Variants in NDNF observed in about 807,000 individuals in gnomAD.
NDNF encodes protein NDNF.
NDNF carries 16 observed loss-of-function variants against 42.0 expected under a neutral mutation model. That is an observed-to-expected ratio of 0.38 (90% CI 0.26 to 0.58). NDNF has a LOEUF of 0.58. Ranked by LOEUF, NDNF falls within the 20% of genes least tolerant of loss-of-function variation. NDNF has a pLI of 0.67. For synonymous variants in NDNF, 248 were observed against 251.7 expected (o/e 0.99, Z 0.14); for missense variants, 616 against 666.2 (o/e 0.92, Z 0.83).
intron 1 of NDNF, among the ~76,000 whole-genome samples, chr4:121,062,202 A>T (rs1336110643): frequency 6.6e-6 from 1 of 152,236 alleles, no homozygotes; most frequent in Non-Finnish European, 1.5e-5. Context: ...ACAGAGTTAA[A>T]GGCCAAGATG....
intron 1 of NDNF, among the ~76,000 whole-genome samples, chr4:121,065,079 C>T (rs1727477218): frequency 6.6e-6 from 1 of 152,168 alleles, no homozygotes; most frequent in Non-Finnish European, 1.5e-5. Flanking sequence ...GGGATTATAA[C>T]TGTGCCACTG....
chr4:121,047,300 G>C (rs1208748192), intron 1 of NDNF, among the ~76,000 whole-genome samples: 1 of 152,196 alleles, frequency 6.6e-6, no homozygotes, highest in African/African-American at 2.4e-5. Context: ...TTGCTGTTCT[G>C]TGTTCTGCGG....
intron 3 of NDNF, 37 bp from the exon 4 acceptor site, chr4:121,037,694 G>T: frequency 6.7e-7 from 1 of 1,484,880 alleles, no homozygotes; most frequent in East Asian, 2.3e-5. Context: ...TACTGTCAGG[G>T]CATACACTGT....
chr4:121,049,000 C>G (rs1727144018), intron 1 of NDNF, among the ~76,000 whole-genome samples: 2 of 152,002 alleles, frequency 1.3e-5, no homozygotes, highest in African/African-American at 4.8e-5. Flanking sequence ...TAAAAATGAT[C>G]AAAGTGAGAC....
intron 1 of NDNF, among the ~76,000 whole-genome samples, chr4:121,061,876 T>A (rs1314357654): frequency 6.6e-6 from 1 of 152,212 alleles, no homozygotes; most frequent in Non-Finnish European, 1.5e-5. Context: ...GTACTTTGAG[T>A]GAGCCTCTTA....
chr4:121,039,208 A>AAAGAC lies in NDNF; in HGVS notation c.313+721_313+722insGTCTT, dbSNP rs1321895629. 4.5e-4 allele frequency among the ~76,000 whole-genome samples: 42 copies of AAAGAC among 93,754 alleles called. 3 individuals are homozygous for AAAGAC. Among genetic ancestry groups the AAAGAC allele is most frequent in the Non-Finnish European group, 7.4e-4 (36 of 48,594 alleles). The allele number at this position is 93,754 out of a possible 152,430, so 61.5% of individuals were successfully genotyped here. ...TGTGTGTGTGTATATATATATATAT[A>AAAGAC]TATATATATATATATATATATATAT... On this transcript the variant is annotated intron_variant, in intron 3 of 3. Coordinates refer to ENST00000379692, the MANE Select transcript of NDNF (RefSeq NM_024574.4).
Position 121,040,016 on chromosome 4 carries a change from G to A in NDNF, c.227C>T (p.Ser76Leu), listed in dbSNP as rs1164427987. 1.7e-5 allele frequency: 27 copies of A among 1,613,842 alleles called. No homozygotes were observed. Among genetic ancestry groups the A allele is most frequent in the Non-Finnish European group, 2.3e-5 (27 of 1,179,938 alleles). The change falls in exon 3 of 4, where the codon TCA becomes TTA. Residue 76 changes from serine (S) to leucine (L), a missense_variant. Transcript: ENST00000379692. ...FVVEEDNTPL[S>L]VTVTPCDAPL... ...CGCATCACAGGGCGTCACTGTGACTGATAATGGAGTATTGTCTTCTTCAAC... is the reference window on the plus strand; with the variant it reads ...CGCATCACAGGGCGTCACTGTGACTAATAATGGAGTATTGTCTTCTTCAAC...
intron 2 of NDNF, among the ~76,000 whole-genome samples, chr4:121,042,321 C>T (rs1423716095): frequency 1.3e-5 from 2 of 152,198 alleles, no homozygotes; most frequent in Non-Finnish European, 2.9e-5. Flanking sequence ...CTAGAGTCTC[C>T]TTCTATCTGA....
At chr4:121,055,768 G>A (rs976799605) in intron 1 of NDNF, among the ~76,000 whole-genome samples, 29 of 152,050 alleles carry the variant, frequency 1.9e-4, no homozygotes, top group Non-Finnish European at 3.8e-4. Flanking sequence ...TACATGGATG[G>A]TTGAAGAGAC....
chr4:121,052,701 A>C (rs1727220555), intron 1 of NDNF, among the ~76,000 whole-genome samples: 1 of 152,166 alleles, frequency 6.6e-6, no homozygotes, highest in South Asian at 2.1e-4. Context: ...ACACTTTAAT[A>C]CTGAATGTCC....
intron 1 of NDNF, among the ~76,000 whole-genome samples, chr4:121,054,134 C>CAAAACCT (rs1727246318): frequency 6.6e-6 from 1 of 152,014 alleles, no homozygotes. Context: ...CTTAGGATAC[C>CAAAACCT]AAAACCTAAA....
At chr4:121,070,600 G>A (rs1038813441) in intron 1 of NDNF, among the ~76,000 whole-genome samples, 3 of 152,148 alleles carry the variant, frequency 2.0e-5, no homozygotes, top group Non-Finnish European at 2.9e-5. Context: ...AGAGAGGGTA[G>A]TGTGTTTGGG....
chr4:121,065,314 G>A (rs183847463), intron 1 of NDNF, among the ~76,000 whole-genome samples: 204 of 143,824 alleles, frequency 1.4e-3, no homozygotes, highest in South Asian at 2.7e-3. Flanking sequence ...ACCATAATGA[G>A]GCAATCTTTG....
chr4:121,059,373 T>A (rs1160995442), intron 1 of NDNF, among the ~76,000 whole-genome samples: 1 of 152,208 alleles, frequency 6.6e-6, no homozygotes, highest in Non-Finnish European at 1.5e-5. Flanking sequence ...GTGTAGAATT[T>A]GTTTCAAGAG....
intron 1 of NDNF, among the ~76,000 whole-genome samples, chr4:121,060,564 AT>A (rs1727387445): frequency 6.6e-6 from 1 of 152,198 alleles, no homozygotes; most frequent in Non-Finnish European, 1.5e-5. Flanking sequence ...CCAGTGGACT[AT>A]TTAGGAGACG....
At chr4:121,050,409 T>C (rs537356956) in intron 1 of NDNF, among the ~76,000 whole-genome samples, 1 of 152,284 alleles carries the variant, frequency 6.6e-6, no homozygotes, top group African/African-American at 2.4e-5. Flanking sequence ...GATTTAAACT[T>C]TACATTAAAT....
At chr4:121,047,526 C>T (rs1727114735) in intron 1 of NDNF, among the ~76,000 whole-genome samples, 1 of 152,196 alleles carries the variant, frequency 6.6e-6, no homozygotes, top group South Asian at 2.1e-4. Flanking sequence ...TGTAATATCT[C>T]TCCAGAAAGC....
At chr4:121,069,963 A>C (rs771889870) in intron 1 of NDNF, among the ~76,000 whole-genome samples, 11 of 152,208 alleles carry the variant, frequency 7.2e-5, no homozygotes, top group Non-Finnish European at 1.3e-4. Context: ...CAAGTTTTTT[A>C]AACTTTAAGA....
At chr4:121,057,051 TGAA>T (rs1727308002) in intron 1 of NDNF, among the ~76,000 whole-genome samples, 1 of 152,096 alleles carries the variant, frequency 6.6e-6, no homozygotes, top group Non-Finnish European at 1.5e-5. Flanking sequence ...ACAAGATGTG[TGAA>T]GATCTTGAGC....
Sources: gnomAD v4.1 joint callset for allele counts (sites outside exome capture counted in the v4.1 genomes callset) on GRCh38, gnomAD v4.1.1 for gene constraint, MANE v1.5 for transcripts, NCBI Gene and HGNC (gene_info 2026-07-23, HGNC 2026-07-21) for gene names.